The following PPFIA2 variants were observed in gnomAD, a reference collection of about 807,000 sequenced individuals.
PPFIA2 encodes the protein PPFI scaffold protein A2.
A neutral mutation model predicts 175.5 loss-of-function variants in PPFIA2; 46 were observed. That is an observed-to-expected ratio of 0.26 (90% CI 0.21 to 0.34). PPFIA2 has a LOEUF of 0.34. Among genes scored for constraint, PPFIA2 ranks in the 10% least tolerant of loss-of-function variants. PPFIA2 has a pLI of 1.00. For missense variants in PPFIA2, 1,179 were observed against 1,506.1 expected (o/e 0.78, Z 3.60); for synonymous variants, 568 against 511.4 (o/e 1.11, Z -1.49).
intron 4 of PPFIA2, among the ~76,000 whole-genome samples, chr12:81,665,459 T>G (rs533840770): frequency 6.6e-6 from 1 of 152,076 alleles, no homozygotes; most frequent in Non-Finnish European, 1.5e-5. Context: ...AGTTCCTATT[T>G]CTTTGCTCAC....
intron 22 of PPFIA2, among the ~76,000 whole-genome samples, chr12:81,309,218 TA>T (rs1265123406): frequency 6.6e-6 from 1 of 152,116 alleles, no homozygotes; most frequent in Non-Finnish European, 1.5e-5. Context: ...ATGGACTTAT[TA>T]TTCAGGAATC....
chr12:81,370,016 A>G (rs1441237356), intron 11 of PPFIA2, among the ~76,000 whole-genome samples: 2 of 151,866 alleles, frequency 1.3e-5, no homozygotes, highest in Non-Finnish European at 2.9e-5. Context: ...AAAGAGTTAT[A>G]TAATAATTGG....
intron 4 of PPFIA2, among the ~76,000 whole-genome samples, chr12:81,590,087 A>C (rs948476892): frequency 1.3e-5 from 2 of 152,216 alleles, no homozygotes; most frequent in African/African-American, 4.8e-5. Flanking sequence ...AATGCATATA[A>C]TTGGGTGACA....
At chr12:81,559,468 A>AT (rs1378563938) in intron 4 of PPFIA2, among the ~76,000 whole-genome samples, 1 of 152,200 alleles carries the variant, frequency 6.6e-6, no homozygotes, top group Non-Finnish European at 1.5e-5. Context: ...GAGAAAAATA[A>AT]TTTTTATTCC....
chr12:81,368,138 A>T (rs146766479), intron 13 of PPFIA2: 1 of 1,288,078 alleles, frequency 7.8e-7, no homozygotes, highest in Non-Finnish European at 1.0e-6. Context: ...ACCAGCTCTC[A>T]TAACTCTTGC....
At chr12:81,623,334 A>T (rs1435314221) in intron 4 of PPFIA2, among the ~76,000 whole-genome samples, 1 of 152,060 alleles carries the variant, frequency 6.6e-6, no homozygotes, top group African/African-American at 2.4e-5. Context: ...AAATCAATTA[A>T]AAAGAGAGAA....
At chr12:81,430,314 T>C (rs1158407560) in intron 7 of PPFIA2, 2 of 152,140 alleles carry the variant, frequency 1.3e-5, no homozygotes, top group Non-Finnish European at 2.9e-5. Context: ...CCTTCGTTGC[T>C]GAATTTCTCA....
intron 21 of PPFIA2, among the ~76,000 whole-genome samples, chr12:81,329,199 A>T (rs1344904850): frequency 6.6e-6 from 1 of 152,094 alleles, no homozygotes; most frequent in African/African-American, 2.4e-5. Context: ...CTATTAGGAA[A>T]CTATGTGGAA....
At chr12:81,267,779 C>T in intron 29 of PPFIA2, 133 bp downstream of exon 29, 4 of 668,016 alleles carry the variant, frequency 6.0e-6, no homozygotes, top group Non-Finnish European at 9.1e-6. Flanking sequence ...AAATTAAAAC[C>T]CCAGTGACAT....
At chr12:81,616,072 G>GA (rs1409665036) in intron 4 of PPFIA2, among the ~76,000 whole-genome samples, 1 of 152,068 alleles carries the variant, frequency 6.6e-6, no homozygotes, top group Non-Finnish European at 1.5e-5. Flanking sequence ...CACATTTTTG[G>GA]AAAATCAAGA....
At chr12:81,264,790 C>A (rs913829177) in intron 30 of PPFIA2, among the ~76,000 whole-genome samples, 2 of 152,166 alleles carry the variant, frequency 1.3e-5, no homozygotes, top group Non-Finnish European at 2.9e-5. Flanking sequence ...CGCTACTCTT[C>A]CCAACTGCTG....
intron 4 of PPFIA2, among the ~76,000 whole-genome samples, chr12:81,578,190 A>T (rs2073880920): frequency 6.6e-6 from 1 of 151,662 alleles, no homozygotes; most frequent in African/African-American, 2.4e-5. Context: ...AGAAGCTGAA[A>T]TGCCTTCATG....
intron 8 of PPFIA2, among the ~76,000 whole-genome samples, chr12:81,393,844 A>C (rs925913678): frequency 3.3e-5 from 5 of 152,066 alleles, no homozygotes; most frequent in Non-Finnish European, 4.4e-5. Flanking sequence ...CCTAAACTTC[A>C]ACTGGTAAAA....
chr12:81,540,338 C>T (rs58383364), intron 4 of PPFIA2, among the ~76,000 whole-genome samples: 2,022 of 152,004 alleles, frequency 0.013, 48 homozygotes, highest in East Asian at 0.071. Context: ...ATCAATTCAA[C>T]AACTGATTTG....
chr12:81,702,853 G>C (rs1369778437), intron 3 of PPFIA2, among the ~76,000 whole-genome samples: 1 of 152,120 alleles, frequency 6.6e-6, no homozygotes, highest in Non-Finnish European at 1.5e-5. Context: ...AAACAGGAAA[G>C]TGGCACTGGA....
At chr12:81,490,875 G>C (rs557866044) in intron 4 of PPFIA2, among the ~76,000 whole-genome samples, 1 of 151,842 alleles carries the variant, frequency 6.6e-6, no homozygotes, top group South Asian at 2.1e-4. Context: ...AGCATACCTC[G>C]TCTATGGAAG....
At chr12:81,732,068 T>C (rs955425517) in intron 3 of PPFIA2, among the ~76,000 whole-genome samples, 16 of 151,792 alleles carry the variant, frequency 1.1e-4, no homozygotes, top group Admixed American at 3.3e-4. Context: ...TGTGACAATA[T>C]ATAAAGTAAT....
At chr12:81,415,387 A>C (rs1040091553) in intron 7 of PPFIA2, among the ~76,000 whole-genome samples, 4 of 147,928 alleles carry the variant, frequency 2.7e-5, no homozygotes, top group African/African-American at 9.8e-5. Context: ...AGTACTCCCA[A>C]TTCCTATACA....
chr12:81,632,615 T>C (rs1411910905), intron 4 of PPFIA2, among the ~76,000 whole-genome samples: 1 of 152,214 alleles, frequency 6.6e-6, no homozygotes, highest in Admixed American at 6.5e-5. Context: ...TCTTTGCCTT[T>C]CCAATTCTCT....
Sources: gnomAD v4.1 joint callset for allele counts (sites outside exome capture counted in the v4.1 genomes callset) on GRCh38, gnomAD v4.1.1 for gene constraint, MANE v1.5 for transcripts, NCBI Gene and HGNC (gene_info 2026-07-23, HGNC 2026-07-21) for gene names.